Variants in EFHC2 observed in about 807,000 individuals in gnomAD.
EFHC2 encodes EF-hand domain-containing family member C2.
A neutral mutation model predicts 52.7 loss-of-function variants in EFHC2; 18 were observed. The ratio of observed to expected loss-of-function variants is 0.34; its 90% confidence interval spans 0.24 to 0.51. The LOEUF (loss-of-function observed/expected upper bound fraction) is 0.51, where lower values mean the gene tolerates loss of function less well. EFHC2 is among the 20% of genes least tolerant of loss of function. EFHC2 has a pLI of 0.97. For missense variants in EFHC2, 513 were observed against 562.5 expected (o/e 0.91, Z 0.89); for synonymous variants, 203 against 204.1 (o/e 0.99, Z 0.04).
chrX:44,238,992 T>G (rs954947829), intron 8 of EFHC2, among the ~76,000 whole-genome samples: 2 of 111,608 alleles, frequency 1.8e-5, no homozygotes, highest in African/African-American at 3.3e-5. Context: ...CAGCAGGGAT[T>G]CAAGAACTAG....
intron 2 of EFHC2, among the ~76,000 whole-genome samples, chrX:44,308,386 CT>C (rs1179431810): frequency 2.8e-5 from 3 of 107,191 alleles, no homozygotes; most frequent in African/African-American, 6.8e-5. Context: ...TAAAAAAGAC[CT>C]CAATAAAAAG....
chrX:44,183,190 T>C (rs1208153009), intron 11 of EFHC2, among the ~76,000 whole-genome samples: 2 of 112,010 alleles, frequency 1.8e-5, no homozygotes, highest in Non-Finnish European at 3.8e-5. Context: ...CCCTAAGGCA[T>C]ACAACAAAAT....
chrX:44,203,496 G>C (rs1489357361), intron 11 of EFHC2, among the ~76,000 whole-genome samples: 1 of 111,380 alleles, frequency 9.0e-6, no homozygotes, highest in Non-Finnish European at 1.9e-5. Context: ...CAAACAGGTC[G>C]TGAGCCCTTG....
At chrX:44,314,832 T>C in intron 1 of EFHC2, among the ~76,000 whole-genome samples, 1 of 111,780 alleles carries the variant, frequency 8.9e-6, no homozygotes, top group Non-Finnish European at 1.9e-5. Context: ...GTACTTACTA[T>C]AGTCCTAACT....
chrX:44,235,226 G>T (rs1261016201), intron 9 of EFHC2, 79 bp downstream of exon 9: 3 of 899,657 alleles, frequency 3.3e-6, no homozygotes, highest in Non-Finnish European at 2.9e-6. Flanking sequence ...TACAAAATCA[G>T]ATCATGTTCC....
chrX:44,193,572 G>A (rs992444367), intron 11 of EFHC2, among the ~76,000 whole-genome samples: 29 of 111,990 alleles, frequency 2.6e-4, no homozygotes, highest in African/African-American at 6.5e-4. Context: ...CCTGTACTGC[G>A]TGGTTTAGTT....
chrX:44,208,582 C>A (rs1193426115), intron 11 of EFHC2, among the ~76,000 whole-genome samples: 1 of 111,188 alleles, frequency 9.0e-6, no homozygotes, highest in Non-Finnish European at 1.9e-5. Flanking sequence ...AGCCCAGACC[C>A]CAGCATTATG....
At chrX:44,243,961 A>G (rs1013874350) in intron 7 of EFHC2, among the ~76,000 whole-genome samples, 10 of 111,326 alleles carry the variant, frequency 9.0e-5, no homozygotes, top group Non-Finnish European at 1.7e-4. Flanking sequence ...TGATTATTTA[A>G]AAATCTGGGC....
intron 11 of EFHC2, among the ~76,000 whole-genome samples, chrX:44,203,129 T>A (rs2037019780): frequency 9.0e-6 from 1 of 111,476 alleles, no homozygotes; most frequent in Non-Finnish European, 1.9e-5. Flanking sequence ...AAGCTCTACC[T>A]CCAATGAAAG....
At chrX:44,168,757 C>T (rs1259352074) in intron 13 of EFHC2, among the ~76,000 whole-genome samples, 1 of 110,230 alleles carries the variant, frequency 9.1e-6, no homozygotes, top group African/African-American at 3.3e-5. Flanking sequence ...TGCGTAAACT[C>T]TCCCTTTCCC....
intron 1 of EFHC2, among the ~76,000 whole-genome samples, chrX:44,331,679 G>T (rs1049726801): frequency 8.0e-5 from 9 of 111,839 alleles, no homozygotes; most frequent in Admixed American, 6.6e-4. Flanking sequence ...CACTTCGGGG[G>T]GCCGAGGCAG....
intron 10 of EFHC2, among the ~76,000 whole-genome samples, chrX:44,231,202 A>T (rs1288574006): frequency 8.9e-6 from 1 of 112,057 alleles, no homozygotes; most frequent in Admixed American, 9.4e-5. Flanking sequence ...GGAGAAGAGC[A>T]TTGTTGGCTG....
chrX:44,224,935 CT>C (rs2037220198), intron 11 of EFHC2, among the ~76,000 whole-genome samples: 5 of 110,705 alleles, frequency 4.5e-5, no homozygotes, highest in African/African-American at 1.3e-4. Context: ...CTGCTGCTGC[CT>C]GTGGTTCAGA....
intron 2 of EFHC2, among the ~76,000 whole-genome samples, chrX:44,306,718 G>A (rs780975270): frequency 6.2e-5 from 7 of 112,076 alleles, no homozygotes; most frequent in Non-Finnish European, 1.1e-4. Flanking sequence ...TTTGGTGGTT[G>A]CTTTCAGAAT....
intron 7 of EFHC2, among the ~76,000 whole-genome samples, chrX:44,246,992 A>G (rs1001595486): frequency 8.9e-6 from 1 of 111,938 alleles, no homozygotes; most frequent in Non-Finnish European, 1.9e-5. Context: ...CTTTTCCCAC[A>G]GTCTAGGGGC....
intron 9 of EFHC2, 73 bp from the exon 10 acceptor site, chrX:44,232,750 T>C: frequency 1.0e-6 from 1 of 983,533 alleles, no homozygotes; most frequent in Non-Finnish European, 1.4e-6. Context: ...TCAGAGTTAC[T>C]TTATCTTCAA....
At position 44,178,420 on chromosome X, in the gene EFHC2, C is replaced by T; in HGVS notation, c.1896G>A (p.Met632Ile). 1 of 1,203,644 alleles carries T rather than the reference C, an allele frequency of 8.3e-7. No individual in the cohort carries two copies. The highest frequency in any genetic ancestry group is 1.1e-6 in the Non-Finnish European group (1 of 891,083). Residue 632 changes from methionine to isoleucine, a missense_variant, in exon 12 of 15, where the codon ATG becomes ATA. Transcript: ENST00000420999. ...ALAHEKFKKNMFENFDTFIYS... is the reference protein window; with the variant it reads ...ALAHEKFKKNIFENFDTFIYS... Reference sequence around the variant, plus strand: ...AAATGAAAGTGTCGAAATTCTCAAACATATTTTTCTTGAACTTTTCGTGGG... The same window carrying T: ...AAATGAAAGTGTCGAAATTCTCAAATATATTTTTCTTGAACTTTTCGTGGG...
intron 2 of EFHC2, among the ~76,000 whole-genome samples, chrX:44,297,594 TG>T (rs1317197696): frequency 9.2e-5 from 10 of 109,126 alleles, no homozygotes; most frequent in African/African-American, 3.0e-4. Context: ...CTGGGTGTGG[TG>T]GCGTGCACCT....
intron 1 of EFHC2, among the ~76,000 whole-genome samples, chrX:44,329,012 T>C (rs1330416672): frequency 8.9e-6 from 1 of 111,782 alleles, no homozygotes; most frequent in Non-Finnish European, 1.9e-5. Context: ...CCTTGCTTTG[T>C]TTGTGCATTT....
Sources: allele counts gnomAD v4.1 joint callset (sites outside exome capture counted in the v4.1 genomes callset), GRCh38; gene constraint gnomAD v4.1.1; transcripts MANE v1.5; gene names NCBI Gene and HGNC (gene_info 2026-07-23, HGNC 2026-07-21).